SASH1: variants seen among roughly 807,000 people sequenced by gnomAD.
SASH1 encodes SAM and SH3 domain-containing protein 1.
A neutral mutation model predicts 125.2 loss-of-function variants in SASH1; 44 were observed. The observed-to-expected ratio is 0.35, with a 90% CI of 0.28 to 0.45. The LOEUF (loss-of-function observed/expected upper bound fraction) is 0.45. Ranked by LOEUF, SASH1 falls within the 20% of genes least tolerant of loss-of-function variation. SASH1 has a pLI of 1.00. For missense variants in SASH1, 1,426 were observed against 1,614.5 expected (o/e 0.88, Z 2.00); for synonymous variants, 639 against 649.1 (o/e 0.98, Z 0.24).
At chr6:148,423,167 G>C in intron 2 of SASH1, among the ~76,000 whole-genome samples, 1 of 152,200 alleles carries the variant, frequency 6.6e-6, no homozygotes, top group Non-Finnish European at 1.5e-5. Flanking sequence ...TCCATCTCTT[G>C]ACCTTGTGAT....
At chr6:148,467,808 A>T (rs1388536408) in intron 4 of SASH1, among the ~76,000 whole-genome samples, 1 of 152,136 alleles carries the variant, frequency 6.6e-6, no homozygotes, top group Non-Finnish European at 1.5e-5. Flanking sequence ...GTGATGGCGC[A>T]TACCTGTAAT....
chr6:148,362,129 G>C (rs9373556), intron 1 of SASH1, among the ~76,000 whole-genome samples: 2 of 151,212 alleles, frequency 1.3e-5, no homozygotes, highest in African/African-American at 2.4e-5. Context: ...GGGTTTCTCC[G>C]TGTTAGCCAG....
At chr6:148,416,087 G>T (rs1299178596) in intron 2 of SASH1, among the ~76,000 whole-genome samples, 1 of 152,166 alleles carries the variant, frequency 6.6e-6, no homozygotes, top group African/African-American at 2.4e-5. Flanking sequence ...GTCTTAGCAG[G>T]TTACAGGCAT....
intron 1 of SASH1, among the ~76,000 whole-genome samples, chr6:148,329,226 G>C (rs1386977023): frequency 6.6e-6 from 1 of 152,116 alleles, no homozygotes; most frequent in Non-Finnish European, 1.5e-5. Flanking sequence ...TCATTTATAA[G>C]GCATAGGAAA....
intron 1 of SASH1, among the ~76,000 whole-genome samples, chr6:148,370,684 G>A (rs1217141053): frequency 3.9e-5 from 6 of 152,010 alleles, no homozygotes; most frequent in Non-Finnish European, 7.4e-5. Context: ...CTAGCTGGGC[G>A]TGGTGACGGG....
intron 19 of SASH1, among the ~76,000 whole-genome samples, chr6:148,548,025 T>A (rs890885180): frequency 6.6e-6 from 1 of 152,182 alleles, no homozygotes. Context: ...AATATGTAAA[T>A]GCTTATAGTT....
chr6:148,346,388 T>A (rs558295898), intron 1 of SASH1, among the ~76,000 whole-genome samples: 2 of 151,836 alleles, frequency 1.3e-5, no homozygotes, highest in African/African-American at 4.8e-5. Context: ...GAAATAATAG[T>A]ATAATTTACG....
At chr6:148,526,841 A>G (rs932180874) in intron 11 of SASH1, among the ~76,000 whole-genome samples, 17 of 151,142 alleles carry the variant, frequency 1.1e-4, no homozygotes, top group Non-Finnish European at 2.5e-4. Context: ...TGCTGGGATT[A>G]CATGAACATT....
intron 1 of SASH1, among the ~76,000 whole-genome samples, chr6:148,368,768 G>GCACA (rs1554245318): frequency 5.7e-5 from 4 of 70,440 alleles, no homozygotes; most frequent in East Asian, 4.6e-4. Context: ...GCGCACGCGC[G>GCACA]CGCACACACA....
At chr6:148,487,017 T>TTA (rs1166084200) in intron 7 of SASH1, among the ~76,000 whole-genome samples, 2 of 108,820 alleles carry the variant, frequency 1.8e-5, no homozygotes, top group South Asian at 3.0e-4. Flanking sequence ...ATATATGTTT[T>TTA]TATATATATA....
chr6:148,349,317 C>T (rs990480694), intron 1 of SASH1, among the ~76,000 whole-genome samples: 1 of 112,990 alleles, frequency 8.9e-6, no homozygotes, highest in Non-Finnish European at 1.6e-5. Context: ...GCTGGAGTTA[C>T]AGTGGCGCGA....
the SASH1 span, among the ~76,000 whole-genome samples, chr6:148,210,573 A>G: frequency 5.3e-5 from 8 of 152,348 alleles, no homozygotes; most frequent in East Asian, 1.9e-4. Flanking sequence ...ATTGCTGTCT[A>G]TATTAATGAG....
Position 148,399,214 on chromosome 6 carries a change from C to CTTTTTTTTTTTTTT in SASH1, c.285+8965_285+8978dup, listed in dbSNP as rs371374910. 4.9e-4 allele frequency among the ~76,000 whole-genome samples: 52 copies of CTTTTTTTTTTTTTT among 106,668 alleles called. 2 individuals carry two copies. The highest frequency in any genetic ancestry group is 5.3e-4 in the Non-Finnish European group (28 of 53,320). The allele number at this position is 106,668 out of a possible 152,430, so 70.0% of individuals were successfully genotyped here. ...AAATGTGCATCAACAATTTCAGCTT[C>CTTTTTTTTTTTTTT]TTTTTTTTTTTTTTTTTTTTTTTTT... On this transcript the variant is annotated intron_variant, in intron 2 of 19. Transcript: ENST00000367467.
At chr6:148,547,292 C>T (rs147991798) in intron 19 of SASH1, among the ~76,000 whole-genome samples, 64 of 152,176 alleles carry the variant, frequency 4.2e-4, no homozygotes, top group East Asian at 1.5e-3. Context: ...TAAGTGACTG[C>T]GGGGCTGGTG....
intron 8 of SASH1, chr6:148,508,894 G>A (rs763901593): frequency 4.5e-5 from 56 of 1,256,184 alleles, no homozygotes; most frequent in South Asian, 6.2e-5. Context: ...CACTGAATGC[G>A]TTCAATGGGA....
intron 1 of SASH1, among the ~76,000 whole-genome samples, chr6:148,386,070 T>C (rs9498024): frequency 0.68 from 103,256 of 152,004 alleles, 35,575 homozygotes; most frequent in South Asian, 0.82. Context: ...AGGCTGTCTC[T>C]GGTTCGGTAG....
the SASH1 span, among the ~76,000 whole-genome samples, chr6:148,234,012 A>C: frequency 6.6e-6 from 1 of 151,928 alleles, no homozygotes; most frequent in Non-Finnish European, 1.5e-5. Flanking sequence ...CTGTGAAATG[A>C]GTACCACTTA....
intron 8 of SASH1, chr6:148,513,350 C>T (rs1039620893): frequency 1.0e-5 from 10 of 985,286 alleles, no homozygotes; most frequent in East Asian, 1.1e-4. Flanking sequence ...CAGGGTGTGC[C>T]GAGGCGGCTG....
At chr6:148,420,711 G>T (rs543984143) in intron 2 of SASH1, among the ~76,000 whole-genome samples, 1 of 152,084 alleles carries the variant, frequency 6.6e-6, no homozygotes, top group African/African-American at 2.4e-5. Flanking sequence ...TGTACCCTTT[G>T]TCTTTGTCTT....
Sources: gnomAD v4.1 joint callset for allele counts (sites outside exome capture counted in the v4.1 genomes callset) on GRCh38, gnomAD v4.1.1 for gene constraint, MANE v1.5 for transcripts, NCBI Gene and HGNC (gene_info 2026-07-23, HGNC 2026-07-21) for gene names.